The following KCNJ5 variants were observed in gnomAD, a reference collection of about 807,000 sequenced individuals.
The protein encoded by KCNJ5 is G protein-activated inward rectifier potassium channel 4.
In KCNJ5, 12 loss-of-function variants were observed where a neutral mutation model predicts 20.2. The ratio of observed to expected loss-of-function variants is 0.59; its 90% CI spans 0.38 to 0.96. The LOEUF (loss-of-function observed/expected upper bound fraction) is 0.96, where lower values mean the gene tolerates loss of function less well. Ranked by LOEUF, KCNJ5 falls within the 40% of genes least tolerant of loss-of-function variation. The pLI, the probability that KCNJ5 is intolerant of heterozygous loss-of-function variation, is 0.00. For synonymous variants in KCNJ5, 210 were observed against 213.9 expected, an observed-to-expected ratio of 0.98 and a Z score of 0.16; for missense variants, 449 against 557.6, an observed-to-expected ratio of 0.81 and a Z score of 1.96.
chr11:128,912,385 CA>C (rs1226964123), intron 2 of KCNJ5, among the ~76,000 whole-genome samples, 175 bp downstream of exon 2: 1 of 152,208 alleles, frequency 6.6e-6, no homozygotes, highest in Non-Finnish European at 1.5e-5. Context: ...TGAGTAATAG[CA>C]ATAGCTAACA....
intron 1 of KCNJ5, among the ~76,000 whole-genome samples, chr11:128,906,270 G>A (rs1184206435): frequency 6.6e-6 from 1 of 152,228 alleles, no homozygotes; most frequent in Non-Finnish European, 1.5e-5. Context: ...AGGCAAAATA[G>A]GAACCTAGGT....
chr11:128,916,742 C>T lies in KCNJ5; in HGVS notation c.*11C>T. The T allele has an allele frequency of 6.3e-7, 1 of 1,577,030 alleles. No homozygotes were observed. The highest frequency in any genetic ancestry group is 8.6e-7 in the Non-Finnish European group (1 of 1,159,594). On this transcript the variant is annotated 3_prime_UTR_variant, in exon 3 of 3. Transcript: ENST00000529694. ...AGGGGCTCGGTGTGAGGGGTGCAGC[C>T]TCCCTAAGACCTCCTGTCACTGGCT...
In KCNJ5 at chr11:128,908,291, C is replaced by T. The variant is rs534810070; in HGVS notation, c.-10-2973C>T. On this transcript the variant is annotated intron_variant, in intron 1 of 2. Coordinates refer to ENST00000529694, the MANE Select transcript of KCNJ5 (RefSeq NM_000890.5). Reference sequence around the variant, plus strand: ...GTATCATGTATTCTTTCCATGAATCCCTACAATTGGCTCCCAGGGCTGGAG... The same window carrying T: ...GTATCATGTATTCTTTCCATGAATCTCTACAATTGGCTCCCAGGGCTGGAG... Among the ~76,000 whole-genome samples, 7 of 152,118 alleles carry T rather than the reference C, an allele frequency of 4.6e-5. No homozygotes were observed. The South Asian group carries it at 1.0e-3, about 23-fold the overall frequency.
At chr11:128,914,245 T>C (rs2136001405) in intron 2 of KCNJ5, among the ~76,000 whole-genome samples, 1 of 152,330 alleles carries the variant, frequency 6.6e-6, no homozygotes, top group East Asian at 1.9e-4. Flanking sequence ...ATAGCACACC[T>C]GACCACTCTC....
chr11:128,916,332 T>G lies in KCNJ5; in HGVS notation c.938-77T>G, dbSNP rs143670110. On this transcript the variant is annotated intron_variant, in intron 2 of 2. Transcript: ENST00000529694. ...TGGATAGATGGATGGATGGATGGAT[T>G]GATGGATGAATGGATGAATGGATGG... 2.3e-3 allele frequency: 2,488 copies of G among 1,084,714 alleles called. 37 individuals carry two copies. In the African/African-American group the frequency reaches 0.036, roughly 16 times the overall value. 67.2% of individuals were successfully genotyped at this position (1,084,714 alleles called of 1,614,324 possible). A position where few individuals can be genotyped will look rare whatever the true frequency, so the allele number is the denominator to read the frequency against.
rs752992023 is a variant in KCNJ5 at position 128,911,265 on chromosome 11, A to G, written c.-9A>G. 3 of 1,612,594 alleles carry G rather than the reference A, an allele frequency of 1.9e-6. No individual in the cohort carries two copies. In the East Asian group the frequency reaches 6.7e-5, roughly 36 times the overall value. On this transcript the variant is annotated splice_region_variant and 5_prime_UTR_variant, in exon 2 of 3. Coordinates refer to ENST00000529694, the MANE Select transcript of KCNJ5 (RefSeq NM_000890.5). The surrounding 1 kb of genome is among the most constrained non-coding windows in gnomAD (Gnocchi z 6.3). Reference sequence around the variant, plus strand: ...TGATGGTGTCTTTTTAACTCAAAGCATCCCAGCTATGGCTGGCGATTCTAG... The same window carrying G: ...TGATGGTGTCTTTTTAACTCAAAGCGTCCCAGCTATGGCTGGCGATTCTAG...
chr11:128,911,027 A>T lies in KCNJ5; in HGVS notation c.-10-237A>T, dbSNP rs930956170. 4.6e-5 allele frequency among the ~76,000 whole-genome samples: 7 copies of T among 152,196 alleles called. No homozygotes were observed. Among genetic ancestry groups the T allele is most frequent in the Admixed American group, 2.0e-4 (3 of 15,280 alleles). On this transcript the variant is annotated intron_variant, in intron 1 of 2. Transcript: ENST00000529694. This position sits in a 1 kb window ranked among gnomAD's most constrained non-coding sequence, Gnocchi z 6.3. ...GTTTGCACCTAGATATTGTTCATTT[A>T]TTCATTCAACAAACAGCTAGCAAGC...
At position 128,903,314 on chromosome 11, in the gene KCNJ5, A is replaced by G; in HGVS notation, c.-10-7950A>G. On this transcript the variant is annotated intron_variant, in intron 1 of 2. Coordinates refer to ENST00000529694, the MANE Select transcript of KCNJ5 (RefSeq NM_000890.5). ...GCCTACTAATTGCACGTGACCAAGA[A>G]GGATGTAGAGTGTGTCTGTGTTGGA... The G allele has an allele frequency of 2.5e-6, 4 of 1,592,666 alleles. No individual in the cohort carries two copies. In the South Asian group the frequency reaches 4.4e-5, roughly 18 times the overall value.
In KCNJ5 at chr11:128,911,448, A is replaced by C. The variant is rs775599482; in HGVS notation, c.175A>C (p.Lys59Gln). Residue 59 changes from lysine (K) to glutamine (Q), a missense_variant, in exon 2 of 3, where the codon AAG (lysine) becomes CAG (glutamine). By Grantham distance (53) the Lys-to-Gln change is moderately conservative. Around this residue, in one of 5 missense-constraint regions of KCNJ5, gnomAD observed 203 missense variants for 258.0 expected, o/e 0.79. Coordinates refer to ENST00000529694, the MANE Select transcript of KCNJ5 (RefSeq NM_000890.5). The surrounding 1 kb of genome is among the most constrained non-coding windows in gnomAD (Gnocchi z 6.3). ...CCAGCGCTACATGGAGAAGAGTGGC[A>C]AGTGCAACGTGCACCACGGCAACGT... ...PRQRYMEKSG[K>Q]CNVHHGNVQE... is the part of the protein sequence containing the mutation. 1 of 1,614,226 alleles carries C rather than the reference A, an allele frequency of 6.2e-7. No homozygotes were observed. The highest frequency in any genetic ancestry group is 1.1e-5 in the South Asian group (1 of 91,088).
intron 1 of KCNJ5, chr11:128,899,851 T>C (rs1944241652): frequency 1.3e-5 from 2 of 152,132 alleles, no homozygotes; most frequent in African/African-American, 2.4e-5. Context: ...AGCGAGGTAT[T>C]AAAGGGAAGG....
intron 1 of KCNJ5, among the ~76,000 whole-genome samples, chr11:128,894,065 A>G (rs796218539): frequency 8.3e-4 from 126 of 152,312 alleles, no homozygotes; most frequent in African/African-American, 3.0e-3. Context: ...TAGAATGCCC[A>G]TTCTCTGGTT....
At chr11:128,907,840 G>A (rs751511937) in intron 1 of KCNJ5, among the ~76,000 whole-genome samples, 1 of 152,244 alleles carries the variant, frequency 6.6e-6, no homozygotes, top group Admixed American at 6.5e-5. Context: ...CTGGCTCTGC[G>A]TTTATCTTCT....
At chr11:128,904,655 G>C in intron 1 of KCNJ5, 1 of 669,876 alleles carries the variant, frequency 1.5e-6, no homozygotes, top group South Asian at 1.6e-5. Flanking sequence ...CCCAGGAAGG[G>C]AAAGCACAGG....
chr11:128,894,152 T>C (rs1944136101), intron 1 of KCNJ5, among the ~76,000 whole-genome samples: 1 of 150,856 alleles, frequency 6.6e-6, no homozygotes, highest in Non-Finnish European at 1.5e-5. Flanking sequence ...TGTGCTTTCA[T>C]GTACTTGAAA....
At chr11:128,898,415 G>A (rs770495602) in intron 1 of KCNJ5, among the ~76,000 whole-genome samples, 3 of 152,220 alleles carry the variant, frequency 2.0e-5, no homozygotes, top group Non-Finnish European at 4.4e-5. Context: ...CAGACCTTCA[G>A]TTCTCTTTCT....
At chr11:128,902,460 C>A in intron 1 of KCNJ5, 1 of 1,498,120 alleles carries the variant, frequency 6.7e-7, no homozygotes, top group South Asian at 1.2e-5. Context: ...GAGAAGGCAG[C>A]GAGGAACCCC....
chr11:128,902,374 G>A, intron 1 of KCNJ5: 1 of 717,282 alleles, frequency 1.4e-6, no homozygotes. Context: ...TTTTACTGTT[G>A]GTGAACTGGA....
intron 1 of KCNJ5, among the ~76,000 whole-genome samples, chr11:128,894,248 A>G (rs1944137816): frequency 1.3e-5 from 2 of 152,030 alleles, no homozygotes; most frequent in South Asian, 4.1e-4. Context: ...AGCAATCATT[A>G]ATTTTTGAAA....
chr11:128,911,827 G>C lies in KCNJ5; in HGVS notation c.554G>C (p.Cys185Ser). 3.7e-6 allele frequency: 6 copies of C among 1,614,156 alleles called. No individual in the cohort carries two copies. Among genetic ancestry groups the C allele is most frequent in the Non-Finnish European group, 5.1e-6 (6 of 1,180,016 alleles). The stretch of plus-strand genomic sequence containing the variant: ...ATCGTCAATGCCTTCATGGTGGGGT[G>C]CATGTTTGTCAAGATCAGCCAGCCC... ...GSIVNAFMVGCMFVKISQPKK... is the reference protein window; with the variant it reads ...GSIVNAFMVGSMFVKISQPKK... Residue 185 changes from cysteine (C) to serine (S), a missense_variant, in exon 2 of 3, where the codon TGC becomes TCC. Around this residue, in one of 5 missense-constraint regions of KCNJ5, gnomAD observed 203 missense variants for 258.0 expected, o/e 0.79. Coordinates refer to ENST00000529694, the MANE Select transcript of KCNJ5 (RefSeq NM_000890.5). This position sits in a 1 kb window ranked among gnomAD's most constrained non-coding sequence, Gnocchi z 6.3.
Sources: allele counts gnomAD v4.1 joint callset (sites outside exome capture counted in the v4.1 genomes callset), GRCh38; gene constraint gnomAD v4.1.1; regional missense constraint gnomAD v4.1.1; non-coding constraint Gnocchi (gnomAD v3.1); transcripts MANE v1.5; gene names NCBI Gene and HGNC (gene_info 2026-07-23, HGNC 2026-07-21).